EFNB2: variants seen among roughly 807,000 people sequenced by gnomAD.
EFNB2 encodes ephrin-B2.
A neutral mutation model predicts 32.1 loss-of-function variants in EFNB2; 5 were observed. That is an observed-to-expected ratio of 0.16 (90% CI 0.08 to 0.33). The LOEUF (loss-of-function observed/expected upper bound fraction) is 0.33, where lower values mean the gene tolerates loss of function less well. Among genes scored for constraint, EFNB2 ranks in the 10% least tolerant of loss-of-function variants. The pLI, the probability that EFNB2 is intolerant of heterozygous loss-of-function variation, is 1.00. For missense variants in EFNB2, 263 were observed against 422.6 expected (o/e 0.62, Z 3.31); for synonymous variants, 168 against 166.5 (o/e 1.01, Z -0.07).
chr13:106,533,509 T>C (rs898000310), intron 1 of EFNB2, among the ~76,000 whole-genome samples: 1 of 152,262 alleles, frequency 6.6e-6, no homozygotes, highest in Non-Finnish European at 1.5e-5. Flanking sequence ...AAGTGCCTTC[T>C]AGCATCATAC....
intron 1 of EFNB2, among the ~76,000 whole-genome samples, chr13:106,534,310 G>T (rs1323719494): frequency 3.3e-5 from 5 of 152,140 alleles, no homozygotes. Context: ...CGGTGCCAAG[G>T]CGCCCCGGCT....
At chr13:106,496,429 C>T (rs759198291) in intron 2 of EFNB2, among the ~76,000 whole-genome samples, 1 of 152,182 alleles carries the variant, frequency 6.6e-6, no homozygotes, top group Non-Finnish European at 1.5e-5. Context: ...TTTCCTCCAT[C>T]GTTTTGTAAA....
chr13:106,527,604 T>A (rs1378425150), intron 1 of EFNB2, among the ~76,000 whole-genome samples: 1 of 152,238 alleles, frequency 6.6e-6, no homozygotes, highest in Non-Finnish European at 1.5e-5. Flanking sequence ...TATTTGAATT[T>A]ATACATGAAA....
intron 2 of EFNB2, among the ~76,000 whole-genome samples, chr13:106,509,174 G>C (rs1348978132): frequency 6.6e-6 from 1 of 152,186 alleles, no homozygotes; most frequent in East Asian, 1.9e-4. Flanking sequence ...AGCTTAGGAA[G>C]CAGGACTAGC....
chr13:106,495,896 T>C, intron 2 of EFNB2, 56 bp from the exon 3 acceptor site: 1 of 1,501,658 alleles, frequency 6.7e-7, no homozygotes, highest in Non-Finnish European at 9.2e-7. Context: ...AGGAAATCAA[T>C]AAGCCAAGTT....
chr13:106,532,105 A>T (rs189610940), intron 1 of EFNB2, among the ~76,000 whole-genome samples: 251 of 151,968 alleles, frequency 1.7e-3, no homozygotes, highest in Admixed American at 3.8e-3. Flanking sequence ...CAAAATGGCT[A>T]CAACGGACCC....
At chr13:106,534,810 C>A (rs1485486988) in intron 1 of EFNB2, 33 bp downstream of exon 1, 20 of 1,590,436 alleles carry the variant, frequency 1.3e-5, no homozygotes, top group Middle Eastern at 1.7e-4. Flanking sequence ...GACCCCGGGG[C>A]GGGGACATAG....
chr13:106,528,449 G>C (rs1462749558), intron 1 of EFNB2, among the ~76,000 whole-genome samples: 1 of 149,350 alleles, frequency 6.7e-6, no homozygotes, highest in Non-Finnish European at 1.5e-5. Flanking sequence ...CAAGAGTCTA[G>C]AAGGGCCCTA....
At chr13:106,501,553 T>C (rs954239216) in intron 2 of EFNB2, among the ~76,000 whole-genome samples, 1 of 152,050 alleles carries the variant, frequency 6.6e-6, no homozygotes, top group Non-Finnish European at 1.5e-5. Context: ...TTCCCCTAAA[T>C]GGCCTCACTT....
In EFNB2 at chr13:106,494,814, C is replaced by T. The variant is rs1878534891; in HGVS notation, c.613+67G>A. ...TTAGAAGTCTTTAGACTCTGCCCTA[C>T]CTTTTAAGATACTACTAAGAATGTG... On this transcript the variant is annotated intron_variant, in intron 4 of 4. Coordinates refer to ENST00000646441, the MANE Select transcript of EFNB2 (RefSeq NM_004093.4). 4 of 1,260,372 alleles carry T rather than the reference C, an allele frequency of 3.2e-6. No homozygotes were observed. The Admixed American group carries it at 6.8e-5, about 21-fold the overall frequency. The allele number at this position is 1,260,372 out of a possible 1,614,324, so 78.1% of individuals were successfully genotyped here. A position where few individuals can be genotyped will look rare whatever the true frequency, so the allele number is the denominator to read the frequency against.
In EFNB2 at chr13:106,490,307, T is replaced by C. The variant is rs1248753576; in HGVS notation, c.*2733A>G. The C allele has an allele frequency of 1.3e-5, 2 of 152,188 alleles. No homozygotes were observed. Among genetic ancestry groups the C allele is most frequent in the Admixed American group, 6.5e-5 (1 of 15,280 alleles). The allele number at this position is 152,188 out of a possible 1,614,324, so 9.4% of individuals were successfully genotyped here. A position where few individuals can be genotyped will look rare whatever the true frequency, so the allele number is the denominator to read the frequency against. On this transcript the variant is annotated 3_prime_UTR_variant, in exon 5 of 5. Transcript: ENST00000646441. Reference sequence around the variant, plus strand: ...TTACAGCATCTTCACTGAAACATGATGGTGCAAATTCCAAAGTCGGGTGAC... The same window carrying C: ...TTACAGCATCTTCACTGAAACATGACGGTGCAAATTCCAAAGTCGGGTGAC...
chr13:106,525,886 T>A (rs1362096582), intron 1 of EFNB2, among the ~76,000 whole-genome samples: 1 of 152,196 alleles, frequency 6.6e-6, no homozygotes, highest in Non-Finnish European at 1.5e-5. Context: ...CCACCATCAA[T>A]GGTTAGATCC....
intron 1 of EFNB2, among the ~76,000 whole-genome samples, chr13:106,513,988 A>G (rs539386668): frequency 6.6e-6 from 1 of 152,338 alleles, no homozygotes; most frequent in African/African-American, 2.4e-5. Flanking sequence ...AATGAATGGT[A>G]TTAATTTTCT....
intron 1 of EFNB2, among the ~76,000 whole-genome samples, chr13:106,522,515 C>T (rs773661156): frequency 3.3e-5 from 5 of 152,140 alleles, no homozygotes; most frequent in Non-Finnish European, 5.9e-5. Context: ...GGAAAAATCG[C>T]GGAGATGAAA....
At chr13:106,495,084 A>C in intron 3 of EFNB2, 90 bp from the exon 4 acceptor site, 1 of 970,612 alleles carries the variant, frequency 1.0e-6, no homozygotes, top group Non-Finnish European at 1.6e-6. Context: ...AGGCATGAAT[A>C]GCAATGAACA....
At chr13:106,527,994 CA>C (rs1468252839) in intron 1 of EFNB2, among the ~76,000 whole-genome samples, 1 of 152,188 alleles carries the variant, frequency 6.6e-6, no homozygotes, top group Non-Finnish European at 1.5e-5. Context: ...GCTTGCTGGA[CA>C]TTTATCATGT....
chr13:106,493,485 G>T lies in EFNB2; in HGVS notation c.614-57C>A. The T allele has an allele frequency of 6.5e-7, 1 of 1,542,238 alleles. No homozygotes were observed. The highest frequency in any genetic ancestry group is 1.9e-5 in the Admixed American group (1 of 51,910). ...TAGTTACTGCTGTCCCAGTGCAGAC[G>T]GACTGCTTTTATGACCCTTAAAAAT... On this transcript the variant is annotated intron_variant, in intron 4 of 4. Transcript: ENST00000646441. The surrounding 1 kb of genome is among the most constrained non-coding windows in gnomAD (Gnocchi z 6.1).
chr13:106,533,677 C>G (rs1039226593), intron 1 of EFNB2, among the ~76,000 whole-genome samples: 1 of 152,156 alleles, frequency 6.6e-6, no homozygotes, highest in Non-Finnish European at 1.5e-5. Context: ...TTTCTTTTCT[C>G]CTAAAACCAG....
chr13:106,532,106 C>T (rs1168177843), intron 1 of EFNB2, among the ~76,000 whole-genome samples: 4 of 148,802 alleles, frequency 2.7e-5, no homozygotes, highest in Non-Finnish European at 5.9e-5. Flanking sequence ...AAAATGGCTA[C>T]AACGGACCCA....
Sources: gnomAD v4.1 joint callset for allele counts (sites outside exome capture counted in the v4.1 genomes callset) on GRCh38, gnomAD v4.1.1 for gene constraint, Gnocchi (gnomAD v3.1) non-coding constraint, MANE v1.5 for transcripts, NCBI Gene and HGNC (gene_info 2026-07-23, HGNC 2026-07-21) for gene names.